AKAP7: variants seen among roughly 807,000 people sequenced by gnomAD.
The protein encoded by AKAP7 is A-kinase anchoring protein 7.
A neutral mutation model predicts 39.5 loss-of-function variants in AKAP7; 39 were observed. That is an observed-to-expected ratio of 0.99 (90% confidence interval 0.76 to 1.29). AKAP7 has a LOEUF of 1.29. Among genes scored for constraint, AKAP7 ranks in the 50% most tolerant of loss-of-function variants. The pLI, the probability that AKAP7 is intolerant of heterozygous loss-of-function variation, is 0.00. For synonymous variants in AKAP7, 140 were observed against 139.1 expected, an observed-to-expected ratio of 1.01 and a Z score of -0.05; for missense variants, 414 against 407.7, an observed-to-expected ratio of 1.02 and a Z score of -0.13.
At chr6:131,251,939 G>A (rs954429751) in intron 7 of AKAP7, among the ~76,000 whole-genome samples, 1 of 152,230 alleles carries the variant, frequency 6.6e-6, no homozygotes, top group African/African-American at 2.4e-5. Context: ...GCTCCTCTCT[G>A]AAAAACCTTG....
At position 131,156,593 on chromosome 6, in the gene AKAP7, TTG is replaced by T. The variant is rs560431973; in HGVS notation, c.152-3465_152-3464del. Among the ~76,000 whole-genome samples, 187 of 152,090 alleles carry T rather than the reference TTG, an allele frequency of 1.2e-3. 1 individual carries two copies. Among genetic ancestry groups the T allele is most frequent in the African/African-American group, 3.8e-3 (156 of 41,500 alleles). On this transcript the variant is annotated intron_variant, in intron 2 of 7. Transcript: ENST00000431975. ...AGTTCGAGGTTACAGTGAGCTATGATTGCATCACTGCACTCCAGCCTGGGTGA... is the reference window on the plus strand; with the variant it reads ...AGTTCGAGGTTACAGTGAGCTATGATCATCACTGCACTCCAGCCTGGGTGA...
intron 6 of AKAP7, among the ~76,000 whole-genome samples, chr6:131,216,176 T>C (rs1407445327): frequency 6.6e-6 from 1 of 152,256 alleles, no homozygotes; most frequent in Non-Finnish European, 1.5e-5. Flanking sequence ...AAATTAAAGA[T>C]GAATAAGTGT....
intron 2 of AKAP7, among the ~76,000 whole-genome samples, chr6:131,152,942 C>G (rs1802061200): frequency 1.3e-5 from 2 of 150,764 alleles, no homozygotes; most frequent in South Asian, 2.1e-4. Flanking sequence ...TCCTGGCTAA[C>G]ACGGTGAAAC....
intron 7 of AKAP7, among the ~76,000 whole-genome samples, chr6:131,220,276 G>C (rs1306604651): frequency 6.6e-6 from 1 of 152,156 alleles, no homozygotes; most frequent in Non-Finnish European, 1.5e-5. Context: ...CCCTAAAAAA[G>C]ATGTTTTGAG....
intron 6 of AKAP7, among the ~76,000 whole-genome samples, chr6:131,215,852 C>T (rs774715552): frequency 2.6e-5 from 4 of 152,136 alleles, no homozygotes; most frequent in East Asian, 1.9e-4. Flanking sequence ...AAATGGAAAG[C>T]GAGTTTGGCT....
chr6:131,157,870 G>A (rs988600409), intron 2 of AKAP7, among the ~76,000 whole-genome samples: 6 of 152,060 alleles, frequency 3.9e-5, no homozygotes, highest in Non-Finnish European at 5.9e-5. Flanking sequence ...ATAGATGCAC[G>A]AACACACCAG....
At chr6:131,157,154 A>G (rs1802495365) in intron 2 of AKAP7, among the ~76,000 whole-genome samples, 1 of 152,248 alleles carries the variant, frequency 6.6e-6, no homozygotes, top group African/African-American at 2.4e-5. Context: ...TCTAATAATT[A>G]TAATAGCTAA....
chr6:131,279,489 G>A (rs765350765), intron 7 of AKAP7, among the ~76,000 whole-genome samples: 4 of 152,092 alleles, frequency 2.6e-5, no homozygotes, highest in Admixed American at 6.5e-5. Context: ...GGATGGTCTC[G>A]ATCTCTTGAC....
At chr6:131,239,229 A>G (rs1811326097) in intron 7 of AKAP7, among the ~76,000 whole-genome samples, 2 of 152,210 alleles carry the variant, frequency 1.3e-5, no homozygotes, top group African/African-American at 4.8e-5. Flanking sequence ...AATGTTGAAT[A>G]TTGGCCCCCA....
At chr6:131,242,050 G>T (rs887836487) in intron 7 of AKAP7, 5 of 981,110 alleles carry the variant, frequency 5.1e-6, no homozygotes, top group Admixed American at 6.2e-5. Flanking sequence ...GGGATCCTTT[G>T]ATATTGTATC....
Position 131,148,870 on chromosome 6 carries a change from A to C in AKAP7, c.151+3454A>C, listed in dbSNP as rs1801687335. On this transcript the variant is annotated intron_variant, in intron 2 of 7. Transcript: ENST00000431975. Reference sequence around the variant, plus strand: ...TTCTTGTACATTTAGTAATCAGTCTACTCATTTGCTCCATGGTAGATGGCA... The same window carrying C: ...TTCTTGTACATTTAGTAATCAGTCTCCTCATTTGCTCCATGGTAGATGGCA... Among the ~76,000 whole-genome samples, 3 of 152,244 alleles carry C rather than the reference A, an allele frequency of 2.0e-5. No individual in the cohort carries two copies. The South Asian group carries it at 6.2e-4, about 32-fold the overall frequency.
chr6:131,188,237 C>CTT (rs1554208106), intron 5 of AKAP7, among the ~76,000 whole-genome samples: 1 of 151,952 alleles, frequency 6.6e-6, no homozygotes, highest in African/African-American at 2.4e-5. Flanking sequence ...TATATTGAAA[C>CTT]ATAGTTCAAG....
At chr6:131,145,634 G>C (rs1276518234) in intron 2 of AKAP7, among the ~76,000 whole-genome samples, 1 of 152,118 alleles carries the variant, frequency 6.6e-6, no homozygotes, top group African/African-American at 2.4e-5. Context: ...GCCTTGACCT[G>C]CCAGTCTTAA....
chr6:131,215,318 G>A (rs772961386), intron 6 of AKAP7, among the ~76,000 whole-genome samples: 1 of 152,240 alleles, frequency 6.6e-6, no homozygotes, highest in Non-Finnish European at 1.5e-5. Flanking sequence ...AGCGGCCAGA[G>A]GAGAAGATGG....
chr6:131,239,048 G>A (rs1467864797), intron 7 of AKAP7, among the ~76,000 whole-genome samples: 1 of 152,172 alleles, frequency 6.6e-6, no homozygotes, highest in Non-Finnish European at 1.5e-5. Flanking sequence ...GCTGGTACTG[G>A]TTGTTCCTTT....
At chr6:131,131,713 A>G (rs1371355823), upstream of AKAP7, among the ~76,000 whole-genome samples, 2 of 152,212 alleles carry the variant, frequency 1.3e-5, no homozygotes, top group Non-Finnish European at 2.9e-5. Context: ...GGGCACAAGG[A>G]GTATTAAAGC....
chr6:131,173,270 ATGT>A (rs1203910099), intron 5 of AKAP7, among the ~76,000 whole-genome samples: 1 of 151,994 alleles, frequency 6.6e-6, no homozygotes, highest in African/African-American at 2.4e-5. Flanking sequence ...TCTCTTGAAC[ATGT>A]TGTTTTTTAC....
In AKAP7 at chr6:131,191,405, C is replaced by T. The variant is rs528539296; in HGVS notation, c.590-8056C>T. Among the ~76,000 whole-genome samples, 15 of 152,114 alleles carry T rather than the reference C, an allele frequency of 9.9e-5. 1 individual carries two copies. The South Asian group carries it at 1.7e-3, about 17-fold the overall frequency. ...CTCTAAGTTGATAAGTTAATTACAA[C>T]GATAATTGTTAGGAATACACTCTCA... On this transcript the variant is annotated intron_variant, in intron 5 of 7. Transcript: ENST00000431975.
At chr6:131,144,827 A>T (rs1050123310) in intron 1 of AKAP7, among the ~76,000 whole-genome samples, 2 of 152,222 alleles carry the variant, frequency 1.3e-5, no homozygotes, top group African/African-American at 4.8e-5. Context: ...AAATATAATG[A>T]TGGAGAGAAA....
Sources: gnomAD v4.1 joint callset for allele counts (sites outside exome capture counted in the v4.1 genomes callset) on GRCh38, gnomAD v4.1.1 for gene constraint, MANE v1.5 for transcripts, NCBI Gene and HGNC (gene_info 2026-07-23, HGNC 2026-07-21) for gene names.